The following HECW2 variants were observed in gnomAD, a reference collection of about 807,000 sequenced individuals.
HECW2 encodes HECT, C2 and WW domain containing E3 ubiquitin protein ligase 2.
HECW2 carries 61 observed loss-of-function variants against 175.2 expected under a neutral mutation model. The observed-to-expected ratio is 0.35, with a 90% CI of 0.28 to 0.43. The LOEUF (loss-of-function observed/expected upper bound fraction) is 0.43. HECW2 is among the 20% of genes least tolerant of loss of function. HECW2 has a pLI of 1.00. For missense variants in HECW2, 1,524 were observed against 2,000.5 expected, an observed-to-expected ratio of 0.76 and a Z score of 4.54; for synonymous variants, 671 against 731.0, an observed-to-expected ratio of 0.92 and a Z score of 1.32.
Position 196,410,356 on chromosome 2 carries a change from T to C in HECW2, c.292+22776A>G, listed in dbSNP as rs542571412. 4.2e-3 allele frequency among the ~76,000 whole-genome samples: 633 copies of C among 152,348 alleles called. 3 individuals carry two copies. Among genetic ancestry groups the C allele is most frequent in the Non-Finnish European group, 7.0e-3 (473 of 68,024 alleles). On this transcript the variant is annotated intron_variant, in intron 2 of 28. Transcript: ENST00000644978. ...CTAGCAGGATCTATTTGTAAGTGTGTTGGAGCCAGATTTCTAAAAATTCAG... is the reference window on the plus strand; with the variant it reads ...CTAGCAGGATCTATTTGTAAGTGTGCTGGAGCCAGATTTCTAAAAATTCAG...
chr2:196,319,934 T>A, intron 8 of HECW2, 30 bp from the exon 9 acceptor site: 3 of 1,544,892 alleles, frequency 1.9e-6, no homozygotes, highest in East Asian at 2.3e-5. Context: ...TTCTAAAAAA[T>A]TAACCAGAAA....
At chr2:196,419,124 T>C (rs1008817263) in intron 2 of HECW2, among the ~76,000 whole-genome samples, 20 of 151,954 alleles carry the variant, frequency 1.3e-4, no homozygotes, top group African/African-American at 4.1e-4. Context: ...GAGTTAAGAG[T>C]GCAATGGAAG....
At chr2:196,309,961 T>C (rs1022148989) in intron 10 of HECW2, among the ~76,000 whole-genome samples, 10 of 152,238 alleles carry the variant, frequency 6.6e-5, no homozygotes, top group Non-Finnish European at 1.2e-4. Flanking sequence ...TGGAATTTTT[T>C]CCTGGAACTA....
At chr2:196,522,732 G>A (rs1413722174) in intron 1 of HECW2, among the ~76,000 whole-genome samples, 4 of 149,694 alleles carry the variant, frequency 2.7e-5, no homozygotes, top group Admixed American at 6.6e-5. Flanking sequence ...TTATTAAATA[G>A]GGAATCCTTT....
At chr2:196,496,762 T>TA (rs1190651294) in intron 1 of HECW2, among the ~76,000 whole-genome samples, 3 of 152,164 alleles carry the variant, frequency 2.0e-5, no homozygotes, top group Non-Finnish European at 4.4e-5. Flanking sequence ...AAAAGAGAAG[T>TA]AAATATTTTT....
At chr2:196,543,238 A>G (rs1689288865) in intron 1 of HECW2, among the ~76,000 whole-genome samples, 1 of 151,416 alleles carries the variant, frequency 6.6e-6, no homozygotes, top group South Asian at 2.1e-4. Flanking sequence ...ACAAGTGAAG[A>G]GTGTCACATA....
Position 196,318,911 on chromosome 2 carries a change from C to T in HECW2, c.1979G>A (p.Cys660Tyr), listed in dbSNP as rs1459639513. 1.1e-5 allele frequency: 17 copies of T among 1,584,538 alleles called. No homozygotes were observed. Among genetic ancestry groups the T allele is most frequent in the Non-Finnish European group, 1.5e-5 (17 of 1,165,694 alleles). ...AAACCGTGCGCTCTCAAGAGAGGAG[C>T]ACCGTGTGTCCACAGAGGACAGCTG... ...TTQLSSVDTR[C>Y]SSLESARFPE... The change falls in exon 9 of 29, where the codon TGC becomes TAC. Residue 660 changes from cysteine (C) to tyrosine (Y), a missense_variant. By Grantham distance (194) the Cys-to-Tyr change is radical. This residue lies in a region of HECW2 where 604 missense variants were observed against 588.3 expected (regional missense o/e 1.03). Coordinates refer to ENST00000644978, the MANE Select transcript of HECW2 (RefSeq NM_001348768.2).
At chr2:196,283,154 C>G (rs150085067) in intron 14 of HECW2, among the ~76,000 whole-genome samples, 2 of 147,066 alleles carry the variant, frequency 1.4e-5, no homozygotes, top group Non-Finnish European at 3.0e-5. Flanking sequence ...CCCAGCTACT[C>G]GGGAGGCTGA....
At chr2:196,228,621 C>G (rs568208836) in intron 21 of HECW2, among the ~76,000 whole-genome samples, 1 of 152,126 alleles carries the variant, frequency 6.6e-6, no homozygotes, top group Admixed American at 6.5e-5. Flanking sequence ...GGGAGCACAA[C>G]GAGAAAGCTT....
Position 196,194,491 on chromosome 2 carries a change from C to G in HECW2, c.*6786G>C, listed in dbSNP as rs1686625272. 1 of 151,994 alleles carries G rather than the reference C, an allele frequency of 6.6e-6. No individual in the cohort carries two copies. The highest frequency in any genetic ancestry group is 2.4e-5 in the African/African-American group (1 of 41,400). The allele number at this position is 151,994 out of a possible 1,614,324, so 9.4% of individuals were successfully genotyped here. ...TGTACACATTAAAATATCTTTCCCT[C>G]AAAGCATTTCGGAATCATAAAAAAT... On this transcript the variant is annotated 3_prime_UTR_variant, in exon 29 of 29. Transcript: ENST00000644978.
intron 23 of HECW2, among the ~76,000 whole-genome samples, chr2:196,224,925 T>C (rs1687796493): frequency 6.6e-6 from 1 of 152,196 alleles, no homozygotes; most frequent in Non-Finnish European, 1.5e-5. Context: ...AAAGTCTTTC[T>C]ACTGACCCTC....
At chr2:196,507,426 T>A (rs1687806274) in intron 1 of HECW2, among the ~76,000 whole-genome samples, 2 of 152,190 alleles carry the variant, frequency 1.3e-5, no homozygotes, top group East Asian at 3.8e-4. Context: ...CCAGGGGAAA[T>A]TTAGCAATGT....
At chr2:196,463,096 C>T (rs1428875228) in intron 1 of HECW2, among the ~76,000 whole-genome samples, 4 of 152,146 alleles carry the variant, frequency 2.6e-5, no homozygotes, top group African/African-American at 2.4e-5. Context: ...CATCCAATAA[C>T]CCAGTGCTTT....
chr2:196,561,245 A>G (rs2889249), intron 1 of HECW2, among the ~76,000 whole-genome samples: 53,356 of 152,160 alleles, frequency 0.35, 12,979 homozygotes, highest in African/African-American at 0.7. Context: ...GATAAGGGAT[A>G]AAACACGCCC....
At chr2:196,575,395 C>A (rs1191561616) in intron 1 of HECW2, among the ~76,000 whole-genome samples, 1 of 152,128 alleles carries the variant, frequency 6.6e-6, no homozygotes, top group East Asian at 1.9e-4. Context: ...CATGATCTAA[C>A]AATCTCATTT....
chr2:196,454,736 A>T (rs938035838), intron 1 of HECW2, among the ~76,000 whole-genome samples: 2 of 152,190 alleles, frequency 1.3e-5, no homozygotes, highest in Non-Finnish European at 2.9e-5. Flanking sequence ...TAGGTTCTAG[A>T]ACTAGAATTT....
intron 1 of HECW2, among the ~76,000 whole-genome samples, chr2:196,478,368 CT>C (rs897769913): frequency 2.0e-5 from 3 of 152,172 alleles, no homozygotes; most frequent in South Asian, 4.1e-4. Flanking sequence ...ACAGATGAGT[CT>C]CCTGGCTGCT....
chr2:196,476,809 G>C (rs1290855362), intron 1 of HECW2, among the ~76,000 whole-genome samples: 1 of 151,868 alleles, frequency 6.6e-6, no homozygotes, highest in East Asian at 1.9e-4. Context: ...ATTCTGAACT[G>C]TAAAAGATTG....
rs909532469 is a variant in HECW2, at chr2:196,319,018, A to G, written c.1872T>C (p.Ser624=). 6.2e-7 allele frequency: 1 copy of G among 1,613,494 alleles called. No homozygotes were observed. The highest frequency in any genetic ancestry group is 2.2e-5 in the East Asian group (1 of 44,852). The change falls in exon 9 of 29, where the codon AGT becomes AGC. Residue 624 remains serine, a synonymous_variant. Transcript: ENST00000644978. ...CAGGCCTGGTGCTGGCTTCGCTCAC[A>G]CTCTCTGTCCTGGCAGGATCACTGG... ...TEPSDPARTE[S]VSEASTRPEG...
Sources: gnomAD v4.1 joint callset for allele counts (sites outside exome capture counted in the v4.1 genomes callset) on GRCh38, gnomAD v4.1.1 for gene constraint, gnomAD v4.1.1 regional missense constraint, MANE v1.5 for transcripts, NCBI Gene and HGNC (gene_info 2026-07-23, HGNC 2026-07-21) for gene names.